The following IRX5 variants were observed in gnomAD, a reference collection of about 807,000 sequenced individuals.
The protein encoded by IRX5 is iroquois homeobox 5.
A neutral mutation model predicts 37.6 loss-of-function variants in IRX5; 8 were observed. That is an observed-to-expected ratio of 0.21 (90% CI 0.12 to 0.38). The LOEUF is 0.38. Ranked by LOEUF, IRX5 falls within the 10% of genes least tolerant of loss-of-function variation. The pLI is 1.00. For synonymous variants in IRX5, 359 were observed against 328.6 expected (o/e 1.09, Z -1.00); for missense variants, 635 against 695.2 (o/e 0.91, Z 0.97).
In IRX5 at chr16:54,932,278, C is replaced by T. The variant is rs563945213; in HGVS notation, c.250-220C>T. The stretch of plus-strand genomic sequence containing the variant: ...GAGGCCGGGACAGCTTCAGGGGCCC[C>T]AGAAGGACCTGACCCAGAAATTGAG... On this transcript the variant is annotated intron_variant, in intron 1 of 2. Coordinates refer to ENST00000394636, the MANE Select transcript of IRX5 (RefSeq NM_005853.6). The surrounding 1 kb of genome is among the most constrained non-coding windows in gnomAD (Gnocchi z 6.7). 1.6e-5 allele frequency: 11 copies of T among 671,026 alleles called. No homozygotes were observed. The highest frequency in any genetic ancestry group is 2.6e-5 in the Non-Finnish European group (10 of 378,338). 41.6% of individuals were successfully genotyped at this position (671,026 alleles called of 1,614,324 possible).
At position 54,931,380 on chromosome 16, in the gene IRX5, A is replaced by G. The variant is rs1234394674; in HGVS notation, c.182A>G (p.Tyr61Cys). 2.5e-6 allele frequency: 4 copies of G among 1,603,232 alleles called. No individual in the cohort carries two copies. The highest frequency in any genetic ancestry group is 3.4e-6 in the Non-Finnish European group (4 of 1,179,378). ...GCCTTCACGGCGCCCTCGCCGGGCT[A>G]CAACTCGCACCTCCAGTACGGCGCC... ...STAFTAPSPG[Y>C]NSHLQYGADP... Residue 61 changes from tyrosine to cysteine, a missense_variant, in exon 1 of 3, where the codon TAC becomes TGC. Tyr to Cys is a radical substitution (Grantham distance 194). Transcript: ENST00000394636.
rs1409258617 is a variant in IRX5 at position 54,932,585 on chromosome 16, G to A, written c.337G>A (p.Asp113Asn). 1 of 1,614,084 alleles carries A rather than the reference G, an allele frequency of 6.2e-7. No individual in the cohort carries two copies. The highest frequency in any genetic ancestry group is 8.5e-7 in the Non-Finnish European group (1 of 1,180,018). The change falls in exon 2 of 3, where the codon GAC becomes AAC. Residue 113 changes from aspartate to asparagine, a missense_variant. Transcript: ENST00000394636. The surrounding 1 kb of genome is among the most constrained non-coding windows in gnomAD (Gnocchi z 6.7). ...AAPLGSYPYG[D>N]PAYRKNATRD... ...GCCCCTGGGATCGTACCCTTACGGG[G>A]ACCCAGCGTACCGGAAGAACGCCAC... is the stretch of plus-strand genomic sequence containing the variant.
In IRX5 at chr16:54,933,868, A is replaced by C; in HGVS notation, c.1447A>C (p.Ile483Leu). The C allele has an allele frequency of 6.3e-7, 1 of 1,583,394 alleles. No individual in the cohort carries two copies. Among genetic ancestry groups the C allele is most frequent in the Non-Finnish European group, 8.6e-7 (1 of 1,157,260 alleles). ...TGAATTGAAGAAAGGTATGTCCGAC[A>C]TTTAACGCGGGCTGCGTCGGTCCCG... Reference protein sequence around the residue: ...PYELKKGMSDI With the variant: ...PYELKKGMSDL Residue 483 changes from isoleucine (I) to leucine (L), a missense_variant, in exon 3 of 3, where the codon ATT becomes CTT. This residue lies in a region of IRX5 where 188 missense variants were observed against 200.8 expected (regional missense o/e 0.94). Transcript: ENST00000394636.
In IRX5 at chr16:54,932,933, G is replaced by T; in HGVS notation, c.655+30G>T. 1 of 1,591,444 alleles carries T rather than the reference G, an allele frequency of 6.3e-7. No individual in the cohort carries two copies. Among genetic ancestry groups the T allele is most frequent in the South Asian group, 1.1e-5 (1 of 88,116 alleles). Reference sequence around the variant, plus strand: ...GTGGACATGGGAAAGGGCGTGTTGGGCGGGAGTAAAAAGGAAAAGAGAGGC... The same window carrying T: ...GTGGACATGGGAAAGGGCGTGTTGGTCGGGAGTAAAAAGGAAAAGAGAGGC... On this transcript the variant is annotated intron_variant, in intron 2 of 2. Transcript: ENST00000394636. This position sits in a 1 kb window ranked among gnomAD's most constrained non-coding sequence, Gnocchi z 6.7.
chr16:54,932,155 C>G lies in IRX5; in HGVS notation c.250-343C>G. On this transcript the variant is annotated intron_variant, in intron 1 of 2. Transcript: ENST00000394636. This position sits in a 1 kb window ranked among gnomAD's most constrained non-coding sequence, Gnocchi z 6.7. ...CCGAGCGCGGAGTCGCCTCAGTTGC[C>G]CAGGCCTCTATCTGCATGGAGGGCC... 1 of 702,928 alleles carries G rather than the reference C, an allele frequency of 1.4e-6. No individual in the cohort carries two copies. Among genetic ancestry groups the G allele is most frequent in the Non-Finnish European group, 2.6e-6 (1 of 384,974 alleles). 43.5% of individuals were successfully genotyped at this position (702,928 alleles called of 1,614,324 possible).
At chr16:54,931,757 T>G (rs1313133674) in intron 1 of IRX5, among the ~76,000 whole-genome samples, 6 of 152,234 alleles carry the variant, frequency 3.9e-5, no homozygotes, top group Non-Finnish European at 8.8e-5. Flanking sequence ...AAATTTTATA[T>G]TTTTGGTTTT....
In IRX5 at chr16:54,933,061, TG is replaced by T; in HGVS notation, c.656-13del. On this transcript the variant is annotated splice_polypyrimidine_tract_variant and intron_variant, in intron 2 of 2. Coordinates refer to ENST00000394636, the MANE Select transcript of IRX5 (RefSeq NM_005853.6). Reference sequence around the variant, plus strand: ...CGCGGCCTCTGCGCCCCTGACAGCCTGGGTTTCGCCCGCAGGAGGAGCTGAG... The same window carrying T: ...CGCGGCCTCTGCGCCCCTGACAGCCTGGTTTCGCCCGCAGGAGGAGCTGAG... 1 of 1,601,594 alleles carries T rather than the reference TG, an allele frequency of 6.2e-7. No homozygotes were observed.
Position 54,932,305 on chromosome 16 carries a change from T to A in IRX5, c.250-193T>A. On this transcript the variant is annotated intron_variant, in intron 1 of 2. Transcript: ENST00000394636. The surrounding 1 kb of genome is among the most constrained non-coding windows in gnomAD (Gnocchi z 6.7). ...GAAGGACCTGACCCAGAAATTGAGG[T>A]CCCCGCTGCCTTCTGAGGAGGGGGA... 1 of 685,388 alleles carries A rather than the reference T, an allele frequency of 1.5e-6. No homozygotes were observed. Among genetic ancestry groups the A allele is most frequent in the Non-Finnish European group, 2.5e-6 (1 of 403,390 alleles). The allele number at this position is 685,388 out of a possible 1,614,324, so 42.5% of individuals were successfully genotyped here.
Position 54,931,213 on chromosome 16 carries a change from G to A in IRX5, c.15G>A (p.Gln5=). The stretch of plus-strand genomic sequence containing the variant: ...CGTGTGTGGCCATGTCCTATCCGCA[G>A]GGCTACTTGTACCAGCCGTCCGCCT... MSYP[Q]GYLYQPSASL... Residue 5 remains glutamine (Q), a synonymous_variant, in exon 1 of 3, where the codon CAG becomes CAA. Coordinates refer to ENST00000394636, the MANE Select transcript of IRX5 (RefSeq NM_005853.6). 1 of 1,610,090 alleles carries A rather than the reference G, an allele frequency of 6.2e-7. No homozygotes were observed.
At position 54,933,567 on chromosome 16, in the gene IRX5, G is replaced by C; in HGVS notation, c.1146G>C (p.Pro382=). The stretch of plus-strand genomic sequence containing the variant: ...GCCGGGCGTCGCCGGCCCCGGCGCC[G>C]TCACGCTCGCCCTCGGCGCAGTGTC... ...GGSRASPAPA[P]SRSPSAQCPF... is the part of the protein sequence containing the mutation. Residue 382 remains proline (P), a synonymous_variant, in exon 3 of 3, where the codon CCG becomes CCC. Transcript: ENST00000394636. The C allele has an allele frequency of 6.2e-7, 1 of 1,608,450 alleles. No individual in the cohort carries two copies. Among genetic ancestry groups the C allele is most frequent in the Non-Finnish European group, 8.5e-7 (1 of 1,177,200 alleles).
In IRX5 at chr16:54,932,916, G is replaced by T; in HGVS notation, c.655+13G>T. On this transcript the variant is annotated intron_variant, in intron 2 of 2. Coordinates refer to ENST00000394636, the MANE Select transcript of IRX5 (RefSeq NM_005853.6). This position sits in a 1 kb window ranked among gnomAD's most constrained non-coding sequence, Gnocchi z 6.7. ...GGCCCCGAAGCAGGTTGGTGGACAT[G>T]GGAAAGGGCGTGTTGGGCGGGAGTA... The T allele has an allele frequency of 1.9e-6, 3 of 1,601,348 alleles. No individual in the cohort carries two copies. The highest frequency in any genetic ancestry group is 2.6e-6 in the Non-Finnish European group (3 of 1,174,228).
Position 54,931,164 on chromosome 16 carries a change from C to T in IRX5, c.-35C>T, listed in dbSNP as rs1963890517. On this transcript the variant is annotated 5_prime_UTR_variant, in exon 1 of 3. Transcript: ENST00000394636. ...AGGGCGCCGCCCGGCTCGTTGGCGG[C>T]CGCGGCGCGGCGCGCCCCATGCCCG... 7 of 1,330,468 alleles carry T rather than the reference C, an allele frequency of 5.3e-6. No individual in the cohort carries two copies. The highest frequency in any genetic ancestry group is 6.7e-6 in the Non-Finnish European group (7 of 1,038,290). The allele number at this position is 1,330,468 out of a possible 1,614,324, so 82.4% of individuals were successfully genotyped here. A position where few individuals can be genotyped will look rare whatever the true frequency, so the allele number is the denominator to read the frequency against.
chr16:54,931,416 C>G lies in IRX5; in HGVS notation c.218C>G (p.Ala73Gly), dbSNP rs1963895669. 1 of 1,581,576 alleles carries G rather than the reference C, an allele frequency of 6.3e-7. No individual in the cohort carries two copies. The part of the protein sequence containing the change: ...SHLQYGADPA[A>G]AAAAAFSSYV... Reference sequence around the variant, plus strand: ...CTCCAGTACGGCGCCGACCCCGCGGCCGCCGCCGCCGCCGCCTTCTCCTCG... The same window carrying G: ...CTCCAGTACGGCGCCGACCCCGCGGGCGCCGCCGCCGCCGCCTTCTCCTCG... Residue 73 changes from alanine (A) to glycine (G), a missense_variant, in exon 1 of 3, where the codon GCC (alanine) becomes GGC (glycine). Ala to Gly is a moderately conservative substitution (Grantham distance 60). Around this residue, in one of 5 missense-constraint regions of IRX5, gnomAD observed 145 missense variants for 152.4 expected, o/e 0.95. Coordinates refer to ENST00000394636, the MANE Select transcript of IRX5 (RefSeq NM_005853.6).
chr16:54,931,989 G>A, intron 1 of IRX5: 1 of 683,632 alleles, frequency 1.5e-6, no homozygotes, highest in South Asian at 1.5e-5. Flanking sequence ...ACTTCGGTCT[G>A]GGGTAGTATT....
In IRX5 at chr16:54,932,629, C is replaced by T. The variant is rs751207019; in HGVS notation, c.381C>T (p.Thr127=). The T allele has an allele frequency of 2.5e-6, 4 of 1,613,950 alleles. No individual in the cohort carries two copies. The highest frequency in any genetic ancestry group is 3.4e-6 in the Non-Finnish European group (4 of 1,180,034). ...ACGCCACAAGGGACGCCACGGCTAC[C>T]CTCAAGGCCTGGCTCAACGAGCACC... ...RKNATRDATA[T]LKAWLNEHRK... The change falls in exon 2 of 3, where the codon ACC becomes ACT. Residue 127 remains threonine, a synonymous_variant. Coordinates refer to ENST00000394636, the MANE Select transcript of IRX5 (RefSeq NM_005853.6). This position sits in a 1 kb window ranked among gnomAD's most constrained non-coding sequence, Gnocchi z 6.7.
chr16:54,933,877 G>C lies in IRX5; in HGVS notation c.*4G>C. The C allele has an allele frequency of 6.3e-7, 1 of 1,577,676 alleles. No individual in the cohort carries two copies. Among genetic ancestry groups the C allele is most frequent in the African/African-American group, 1.3e-5 (1 of 74,132 alleles). ...GAAAGGTATGTCCGACATTTAACGC[G>C]GGCTGCGTCGGTCCCGGACTTTTCT... On this transcript the variant is annotated 3_prime_UTR_variant, in exon 3 of 3. Coordinates refer to ENST00000394636, the MANE Select transcript of IRX5 (RefSeq NM_005853.6).
rs139113918 is a variant in IRX5 at position 54,933,102 on chromosome 16, G to A, written c.681G>A (p.Ser227=). 105 of 1,591,666 alleles carry A rather than the reference G, an allele frequency of 6.6e-5. No homozygotes were observed. The highest frequency in any genetic ancestry group is 8.3e-5 in the Non-Finnish European group (98 of 1,174,384). Residue 227 remains serine, a synonymous_variant, in exon 3 of 3, where the codon TCG becomes TCA. Transcript: ENST00000394636. ...EAGGAEQKAA[S]GCERLQGPPT... ...GAGGAGCTGAGCAGAAGGCGGCTTC[G>A]GGCTGCGAACGGCTTCAGGGACCAC...
rs1333771689 is a variant in IRX5, at chr16:54,932,075, A to G, written c.250-423A>G. On this transcript the variant is annotated intron_variant, in intron 1 of 2. Coordinates refer to ENST00000394636, the MANE Select transcript of IRX5 (RefSeq NM_005853.6). This position sits in a 1 kb window ranked among gnomAD's most constrained non-coding sequence, Gnocchi z 6.7. ...TTAGCTGTTGAAAAAAGAAAAAAAG[A>G]GCCTTGACTTCCCTTGTTTTCCCCC... is the stretch of plus-strand genomic sequence containing the variant. 1 of 702,378 alleles carries G rather than the reference A, an allele frequency of 1.4e-6. No homozygotes were observed. The highest frequency in any genetic ancestry group is 2.6e-6 in the Non-Finnish European group (1 of 384,922). The allele number at this position is 702,378 out of a possible 1,614,324, so 43.5% of individuals were successfully genotyped here.
rs1333550304 is a variant in IRX5, at chr16:54,933,284, C to A, written c.863C>A (p.Ala288Asp). The A allele has an allele frequency of 1.5e-6, 2 of 1,355,970 alleles. No individual in the cohort carries two copies. The highest frequency in any genetic ancestry group is 1.8e-5 in the South Asian group (1 of 54,596). 84.0% of individuals were successfully genotyped at this position (1,355,970 alleles called of 1,614,324 possible). Residue 288 changes from alanine to aspartate, a missense_variant, in exon 3 of 3, where the codon GCC (alanine) becomes GAC (aspartate). By Grantham distance (126) the Ala-to-Asp change is moderately radical. Transcript: ENST00000394636. ...GCGGCGCGGCTGGCGGAGGACCCGGCCCCTCACTACCCCGCCGGAGCGCCG... is the reference window on the plus strand; with the variant it reads ...GCGGCGCGGCTGGCGGAGGACCCGGACCCTCACTACCCCGCCGGAGCGCCG... The part of the protein sequence containing the change: ...PAAARLAEDP[A>D]PHYPAGAPAP...
Sources: allele counts gnomAD v4.1 joint callset (sites outside exome capture counted in the v4.1 genomes callset), GRCh38; gene constraint gnomAD v4.1.1; regional missense constraint gnomAD v4.1.1; non-coding constraint Gnocchi (gnomAD v3.1); transcripts MANE v1.5; gene names NCBI Gene and HGNC (gene_info 2026-07-23, HGNC 2026-07-21).